Variants in GHR observed in about 807,000 individuals in gnomAD.
GHR encodes growth hormone receptor, also known as GH receptor.
In GHR, 35 loss-of-function variants were observed where a neutral mutation model predicts 67.1. That is an observed-to-expected ratio of 0.52 (90% CI 0.40 to 0.69). The LOEUF is 0.69. Among genes scored for constraint, GHR ranks in the 30% least tolerant of loss-of-function variants. The pLI, the probability that GHR is intolerant of heterozygous loss-of-function variation, is 0.00. For synonymous variants in GHR, 272 were observed against 269.1 expected (o/e 1.01, Z -0.10); for missense variants, 792 against 764.6 (o/e 1.04, Z -0.42).
intron 1 of GHR, among the ~76,000 whole-genome samples, chr5:42,454,607 C>T (rs979785271): frequency 6.6e-6 from 1 of 152,144 alleles, no homozygotes; most frequent in Non-Finnish European, 1.5e-5. Flanking sequence ...TTATGGCTGC[C>T]TCTGTGGCAC....
chr5:42,605,994 G>A (rs946127751), intron 2 of GHR, among the ~76,000 whole-genome samples: 12 of 152,164 alleles, frequency 7.9e-5, no homozygotes, highest in Non-Finnish European at 1.6e-4. Flanking sequence ...CTAGCTGCTG[G>A]TAGTGCACAT....
chr5:42,484,981 C>T (rs150365704), intron 1 of GHR, among the ~76,000 whole-genome samples: 191 of 152,280 alleles, frequency 1.3e-3, no homozygotes, highest in African/African-American at 3.8e-3. Context: ...CTTTACTTTA[C>T]GGCCAGGCAG....
intron 6 of GHR, among the ~76,000 whole-genome samples, chr5:42,703,764 A>G (rs1758041474): frequency 6.6e-6 from 1 of 151,720 alleles, no homozygotes; most frequent in Non-Finnish European, 1.5e-5. Flanking sequence ...TTTTGTTTAA[A>G]TTTATTTCTA....
intron 1 of GHR, among the ~76,000 whole-genome samples, chr5:42,434,329 G>A (rs1445959997): frequency 6.6e-6 from 1 of 152,142 alleles, no homozygotes; most frequent in African/African-American, 2.4e-5. Context: ...GGGAAATACA[G>A]TTATTATAAG....
chr5:42,527,789 T>C (rs1579874233), intron 1 of GHR, among the ~76,000 whole-genome samples: 2 of 152,138 alleles, frequency 1.3e-5, no homozygotes, highest in African/African-American at 2.4e-5. Context: ...TACTCTAAGA[T>C]TGATCACATA....
chr5:42,718,418 T>C, intron 9 of GHR, 35 bp from the exon 10 acceptor site: 2 of 1,493,458 alleles, frequency 1.3e-6, no homozygotes, highest in African/African-American at 1.4e-5. Context: ...TATGAGTTTC[T>C]TTTCATAGAT....
At chr5:42,568,056 A>T (rs1271728461) in intron 2 of GHR, among the ~76,000 whole-genome samples, 1 of 152,202 alleles carries the variant, frequency 6.6e-6, no homozygotes, top group African/African-American at 2.4e-5. Context: ...TTGTTCAGTG[A>T]AAGATGTGGC....
chr5:42,708,374 A>G (rs1390655652), intron 6 of GHR, among the ~76,000 whole-genome samples: 1 of 152,214 alleles, frequency 6.6e-6, no homozygotes, highest in Non-Finnish European at 1.5e-5. Flanking sequence ...CATTAAATAA[A>G]TTTGCAAAAA....
At chr5:42,539,978 A>G (rs1006035178) in intron 1 of GHR, among the ~76,000 whole-genome samples, 2 of 152,202 alleles carry the variant, frequency 1.3e-5, no homozygotes, top group Non-Finnish European at 1.5e-5. Flanking sequence ...TCAGGTTAAG[A>G]AAACTGCTCT....
intron 1 of GHR, among the ~76,000 whole-genome samples, chr5:42,539,492 G>T (rs984329674): frequency 2.0e-4 from 31 of 152,302 alleles, no homozygotes; most frequent in Non-Finnish European, 4.3e-4. Context: ...GGTACTGAGG[G>T]TTGTCTCCAC....
chr5:42,481,490 C>T (rs1264657586), intron 1 of GHR, among the ~76,000 whole-genome samples: 1 of 152,212 alleles, frequency 6.6e-6, no homozygotes, highest in African/African-American at 2.4e-5. Flanking sequence ...TGTTTTCCAA[C>T]TTGGTTCCAT....
intron 1 of GHR, among the ~76,000 whole-genome samples, chr5:42,431,981 C>T (rs188398332): frequency 9.2e-5 from 14 of 152,306 alleles, no homozygotes; most frequent in Admixed American, 9.2e-4. Context: ...TGATAGGGAA[C>T]TGGAACACAT....
intron 5 of GHR, 122 bp from the exon 6 acceptor site, chr5:42,699,702 G>A: frequency 1.4e-6 from 1 of 731,488 alleles, no homozygotes. Flanking sequence ...GAAAAATATT[G>A]GAAGAAATAA....
chr5:42,631,890 G>A (rs1272842093), intron 3 of GHR, among the ~76,000 whole-genome samples: 1 of 151,926 alleles, frequency 6.6e-6, no homozygotes, highest in Non-Finnish European at 1.5e-5. Context: ...TTTATACTTG[G>A]GTCCAAGAAG....
At chr5:42,515,985 T>C (rs4866933) in intron 1 of GHR, among the ~76,000 whole-genome samples, 2,915 of 152,312 alleles carry the variant, frequency 0.019, 161 homozygotes, top group East Asian at 0.13. Flanking sequence ...TAGATGTTAA[T>C]AGAAACAAAG....
intron 1 of GHR, among the ~76,000 whole-genome samples, chr5:42,511,299 C>G (rs1747004490): frequency 1.3e-5 from 2 of 152,176 alleles, no homozygotes; most frequent in East Asian, 3.8e-4. Flanking sequence ...AACACCACCC[C>G]AACAACGTTC....
chr5:42,559,632 T>C (rs927886147), intron 1 of GHR, among the ~76,000 whole-genome samples: 2 of 152,100 alleles, frequency 1.3e-5, no homozygotes, highest in South Asian at 2.1e-4. Context: ...AAAAGTCTTT[T>C]CCCCCCTCAC....
chr5:42,470,394 T>C (rs557316591), intron 1 of GHR, among the ~76,000 whole-genome samples: 1 of 152,194 alleles, frequency 6.6e-6, no homozygotes, highest in Non-Finnish European at 1.5e-5. Flanking sequence ...TCCCTTCATC[T>C]AATACACCTG....
chr5:42,572,448 A>G (rs1367553823), intron 2 of GHR, among the ~76,000 whole-genome samples: 1 of 152,174 alleles, frequency 6.6e-6, no homozygotes, highest in Non-Finnish European at 1.5e-5. Flanking sequence ...CTTCCTCATC[A>G]TCTGTAGTTA....
Sources: gnomAD v4.1 joint callset for allele counts (sites outside exome capture counted in the v4.1 genomes callset) on GRCh38, gnomAD v4.1.1 for gene constraint, MANE v1.5 for transcripts, NCBI Gene and HGNC (gene_info 2026-07-23, HGNC 2026-07-21) for gene names.